RTF1: variants seen among roughly 807,000 people sequenced by gnomAD.
RTF1 encodes RTF1 homolog, Paf1/RNA polymerase II complex component.
Under a neutral mutation model 95.7 loss-of-function variants are expected in RTF1, and 10 were observed. The ratio of observed to expected loss-of-function variants is 0.10; its 90% CI spans 0.06 to 0.18. The LOEUF (loss-of-function observed/expected upper bound fraction) is 0.18, where lower values mean the gene tolerates loss of function less well. Among genes scored for constraint, RTF1 ranks in the 10% least tolerant of loss-of-function variants. RTF1 has a pLI of 1.00. For synonymous variants in RTF1, 305 were observed against 311.8 expected, an observed-to-expected ratio of 0.98 and a Z score of 0.23; for missense variants, 458 against 875.6, an observed-to-expected ratio of 0.52 and a Z score of 6.02.
chr15:41,448,549 T>C (rs2050774260), intron 2 of RTF1, among the ~76,000 whole-genome samples: 1 of 151,852 alleles, frequency 6.6e-6, no homozygotes, highest in Non-Finnish European at 1.5e-5. Flanking sequence ...ACTAACCCTG[T>C]CTCTACTAAA....
intron 3 of RTF1, among the ~76,000 whole-genome samples, chr15:41,453,859 T>C (rs538819989): frequency 6.6e-6 from 1 of 152,238 alleles, no homozygotes; most frequent in Non-Finnish European, 1.5e-5. Flanking sequence ...TTAAAAATAA[T>C]GTTTACATAA....
At chr15:41,434,467 A>G (rs945063526) in intron 1 of RTF1, among the ~76,000 whole-genome samples, 6 of 152,142 alleles carry the variant, frequency 3.9e-5, no homozygotes, top group Admixed American at 3.9e-4. Flanking sequence ...GATTCCATCT[A>G]TATGATGTTC....
At position 41,464,863 on chromosome 15, in the gene RTF1, T is replaced by G; in HGVS notation, c.755T>G (p.Leu252Arg). 1 of 1,532,240 alleles carries G rather than the reference T, an allele frequency of 6.5e-7. No individual in the cohort carries two copies. Among genetic ancestry groups the G allele is most frequent in the Non-Finnish European group, 8.8e-7 (1 of 1,142,648 alleles). 94.9% of individuals were successfully genotyped at this position (1,532,240 alleles called of 1,614,324 possible). The stretch of plus-strand genomic sequence containing the variant: ...GAAGAGGAGCAAGAAAAGAAAAAAC[T>G]GACACAGATTCAAGAATCTCAGGTA... ...KQEEEQEKKK[L>R]TQIQESQVTS... Residue 252 changes from leucine to arginine, a missense_variant, in exon 5 of 18, where the codon CTG becomes CGG. Leu to Arg is a moderately radical substitution (Grantham distance 102, BLOSUM62 -2). This residue lies in a region of RTF1 where 39 missense variants were observed against 43.8 expected (regional missense o/e 0.89). Coordinates refer to ENST00000389629, the MANE Select transcript of RTF1 (RefSeq NM_015138.5).
intron 1 of RTF1, among the ~76,000 whole-genome samples, chr15:41,433,953 C>A (rs1358577616): frequency 6.8e-6 from 1 of 147,872 alleles, no homozygotes; most frequent in African/African-American, 2.5e-5. Flanking sequence ...TCAAGCAATT[C>A]TTCTGCCTCA....
At chr15:41,472,144 GC>G (rs2050915475) in intron 8 of RTF1, among the ~76,000 whole-genome samples, 1 of 151,146 alleles carries the variant, frequency 6.6e-6, no homozygotes, top group South Asian at 2.1e-4. Flanking sequence ...TGATCCACCT[GC>G]CTCAGCCTCC....
intron 5 of RTF1, among the ~76,000 whole-genome samples, chr15:41,465,572 C>T (rs866904851): frequency 9.2e-5 from 14 of 151,978 alleles, no homozygotes; most frequent in Admixed American, 2.0e-4. Context: ...ACCTCAGAAG[C>T]GGAGGTTGCA....
rs1274289213 is a variant in RTF1 at position 41,470,388 on chromosome 15, G to A, written c.1021G>A (p.Glu341Lys). 2 of 1,614,138 alleles carry A rather than the reference G, an allele frequency of 1.2e-6. No individual in the cohort carries two copies. The highest frequency in any genetic ancestry group is 1.7e-5 in the Admixed American group (1 of 60,016). Residue 341 changes from glutamate (E) to lysine (K), a missense_variant, in exon 7 of 18, where the codon GAG (glutamate) becomes AAG (lysine). Coordinates refer to ENST00000389629, the MANE Select transcript of RTF1 (RefSeq NM_015138.5). ...ACGAACATCATCGTCTGATGAAGAA[G>A]AGGAGTAAGCTCTTGTACATTTTGG... The part of the protein sequence containing the change: ...SSRTSSSDEE[E>K]EKEEIPPKSQ...
At chr15:41,471,981 C>T (rs186991416) in intron 8 of RTF1, among the ~76,000 whole-genome samples, 3,098 of 152,114 alleles carry the variant, frequency 0.02, 48 homozygotes, top group South Asian at 0.055. Context: ...TCACTGCAAC[C>T]TCCGCCTCCC....
At chr15:41,454,428 A>C (rs1296051876) in intron 3 of RTF1, among the ~76,000 whole-genome samples, 3 of 152,166 alleles carry the variant, frequency 2.0e-5, no homozygotes, top group Non-Finnish European at 1.5e-5. Flanking sequence ...CTAATAAATA[A>C]AAAAGAAATT....
At chr15:41,431,726 TG>T (rs1453252630) in intron 1 of RTF1, among the ~76,000 whole-genome samples, 1 of 152,066 alleles carries the variant, frequency 6.6e-6, no homozygotes, top group Non-Finnish European at 1.5e-5. Flanking sequence ...CTCGAATTCC[TG>T]GGCTCAAACG....
chr15:41,477,555 TAA>T (rs1369579381), intron 14 of RTF1, 40 bp downstream of exon 14: 1 of 1,557,364 alleles, frequency 6.4e-7, no homozygotes, highest in African/African-American at 1.4e-5. Flanking sequence ...CAAAGTTAAT[TAA>T]TAAACCATGA....
intron 4 of RTF1, among the ~76,000 whole-genome samples, chr15:41,458,200 A>G (rs1385914988): frequency 6.6e-6 from 1 of 152,182 alleles, no homozygotes; most frequent in African/African-American, 2.4e-5. Context: ...GCTTAGAGAC[A>G]TTAGGTAACT....
chr15:41,434,263 G>A (rs1481402504), intron 1 of RTF1, among the ~76,000 whole-genome samples: 1 of 151,746 alleles, frequency 6.6e-6, no homozygotes, highest in African/African-American at 2.4e-5. Context: ...GATTATAGGC[G>A]TGAACCACTG....
At chr15:41,418,786 A>C (rs1379433509) in intron 1 of RTF1, among the ~76,000 whole-genome samples, 9 of 147,498 alleles carry the variant, frequency 6.1e-5, no homozygotes, top group African/African-American at 2.2e-4. Context: ...CTCCATCACA[A>C]AAAAAAAAAA....
chr15:41,458,125 A>G (rs2050828460), intron 4 of RTF1, among the ~76,000 whole-genome samples: 1 of 152,214 alleles, frequency 6.6e-6, no homozygotes, highest in Admixed American at 6.5e-5. Flanking sequence ...ATTTATGTGC[A>G]CTATTTAATC....
Position 41,461,143 on chromosome 15 carries a change from A to G in RTF1, c.662+3267A>G, listed in dbSNP as rs552585343. Reference sequence around the variant, plus strand: ...CTGCAACCTCTGCCTCCCGGGTTCAAGCAATTCTCCTGCCTCAGCCTCCCC... The same window carrying G: ...CTGCAACCTCTGCCTCCCGGGTTCAGGCAATTCTCCTGCCTCAGCCTCCCC... On this transcript the variant is annotated intron_variant, in intron 4 of 17. Coordinates refer to ENST00000389629, the MANE Select transcript of RTF1 (RefSeq NM_015138.5). Among the ~76,000 whole-genome samples, 6 of 151,534 alleles carry G rather than the reference A, an allele frequency of 4.0e-5. No individual in the cohort carries two copies. The East Asian group carries it at 7.9e-4, about 20-fold the overall frequency.
intron 1 of RTF1, among the ~76,000 whole-genome samples, chr15:41,418,559 T>G (rs1369676473): frequency 2.0e-5 from 3 of 152,194 alleles, no homozygotes; most frequent in Non-Finnish European, 4.4e-5. Context: ...GGCTCACGCC[T>G]GTAGTCCCAG....
rs375110105 is a variant in RTF1 at position 41,456,713 on chromosome 15, C to T, written c.458-959C>T. Among the ~76,000 whole-genome samples, 118 of 151,722 alleles carry T rather than the reference C, an allele frequency of 7.8e-4. 2 individuals are homozygous for T. The South Asian group carries it at 0.024, about 30-fold the overall frequency. ...TCTGAGGCAGGAGAACTGTTTGAAC[C>T]GGGGAGGTGGAGATGGCAGTGAGCC... On this transcript the variant is annotated intron_variant, in intron 3 of 17. Coordinates refer to ENST00000389629, the MANE Select transcript of RTF1 (RefSeq NM_015138.5).
intron 8 of RTF1, among the ~76,000 whole-genome samples, chr15:41,472,269 C>T (rs1311066803): frequency 4.2e-5 from 6 of 143,974 alleles, no homozygotes; most frequent in East Asian, 2.1e-4. Context: ...TGCAATGGCA[C>T]GATCTTGGCT....
Sources: gnomAD v4.1 joint callset for allele counts (sites outside exome capture counted in the v4.1 genomes callset) on GRCh38, gnomAD v4.1.1 for gene constraint, gnomAD v4.1.1 regional missense constraint, MANE v1.5 for transcripts, NCBI Gene and HGNC (gene_info 2026-07-23, HGNC 2026-07-21) for gene names.